The following LPA variants were observed in gnomAD, a reference collection of about 807,000 sequenced individuals.
LPA encodes apolipoprotein(a).
In LPA, 199 loss-of-function variants were observed where a neutral mutation model predicts 197.9. The observed-to-expected ratio is 1.01, with a 90% CI of 0.90 to 1.13. LPA has a LOEUF of 1.13. Among genes scored for constraint, LPA ranks in the 50% most tolerant of loss-of-function variants. The pLI is 0.00. For synonymous variants in LPA, 715 were observed against 639.5 expected (o/e 1.12, Z -1.78); for missense variants, 1,853 against 1,785.8 (o/e 1.04, Z -0.68).
At chr6:160,608,879 G>T (rs922385901) in intron 16 of LPA, among the ~76,000 whole-genome samples, 1 of 151,704 alleles carries the variant, frequency 6.6e-6, no homozygotes, top group Non-Finnish European at 1.5e-5. Flanking sequence ...GTATGGGTGT[G>T]TTGTATGTGT....
chr6:160,546,821 T>G (rs568746618), intron 32 of LPA, among the ~76,000 whole-genome samples: 3 of 152,274 alleles, frequency 2.0e-5, no homozygotes, highest in East Asian at 1.9e-4. Flanking sequence ...ACAGACACTT[T>G]GGTTTTTCCT....
In LPA at chr6:160,606,508, C is replaced by G. The variant is rs868248275; in HGVS notation, c.2754G>C (p.Pro918=). Residue 918 remains proline (P), a synonymous_variant, in exon 17 of 39, where the codon CCG becomes CCC. Transcript: ENST00000316300. ...CAGAAGGAGCCTCTAGGCTTGGAAT[C>G]GGGGTAATAGTTGGAGGCGCGACGG... ...GTAVAPPTIT[P]IPSLEAPSEQ... The G allele has an allele frequency of 1.9e-6, 3 of 1,613,530 alleles. No homozygotes were observed. Among genetic ancestry groups the G allele is most frequent in the East Asian group, 4.5e-5 (2 of 44,868 alleles).
At chr6:160,646,777 C>G (rs1187886126) in intron 2 of LPA, among the ~76,000 whole-genome samples, 2 of 145,992 alleles carry the variant, frequency 1.4e-5, no homozygotes, top group African/African-American at 2.6e-5. Flanking sequence ...TATTCACATG[C>G]AAATGCATCT....
chr6:160,650,929 G>C (rs1439736472), intron 1 of LPA, among the ~76,000 whole-genome samples: 3 of 152,172 alleles, frequency 2.0e-5, no homozygotes, highest in African/African-American at 7.2e-5. Flanking sequence ...AAAAGCCAAA[G>C]CCTTAAGTTT....
At position 160,586,440 on chromosome 6, in the gene LPA, G is replaced by A. The variant is rs760090340; in HGVS notation, c.4129+9C>T. The stretch of plus-strand genomic sequence containing the variant: ...CGAGGGTATGGTTGTCTGACTGCAG[G>A]CTTCTTACCTTCTTCAGAAGGAAGC... On this transcript the variant is annotated intron_variant, in intron 25 of 38. Coordinates refer to ENST00000316300, the MANE Select transcript of LPA (RefSeq NM_005577.4). 3.1e-6 allele frequency: 5 copies of A among 1,613,118 alleles called. No homozygotes were observed. The African/African-American group carries it at 5.3e-5, about 17-fold the overall frequency.
At chr6:160,641,053 A>G (rs1348087385) in intron 4 of LPA, among the ~76,000 whole-genome samples, 2 of 139,468 alleles carry the variant, frequency 1.4e-5, no homozygotes, top group African/African-American at 5.7e-5. Context: ...GATTATTACT[A>G]TTTTTTTAAA....
chr6:160,532,688 A>T (rs1213177299), intron 37 of LPA, 39 bp from the exon 38 acceptor site: 1 of 1,353,012 alleles, frequency 7.4e-7, no homozygotes, highest in Non-Finnish European at 1.1e-6. Context: ...TACTGAGGCC[A>T]AAGCTTGTTC....
At chr6:160,556,572 T>C (rs958307651) in intron 29 of LPA, among the ~76,000 whole-genome samples, 5 of 152,156 alleles carry the variant, frequency 3.3e-5, no homozygotes, top group Non-Finnish European at 5.9e-5. Context: ...ATGAAAACCC[T>C]GCACAGTTCC....
chr6:160,604,979 GC>G lies in LPA; in HGVS notation c.2945+66del. 2.5e-6 allele frequency: 4 copies of G among 1,602,912 alleles called. No homozygotes were observed. The South Asian group carries it at 4.4e-5, about 18-fold the overall frequency. On this transcript the variant is annotated intron_variant, in intron 18 of 38. Transcript: ENST00000316300. The stretch of plus-strand genomic sequence containing the variant: ...TTGAGTCCTGAACACTCAGCTTGAA[GC>G]ATGACTCTACTAACAGAAATTTCCA...
At position 160,597,289 on chromosome 6, in the gene LPA, A is replaced by T. The variant is rs562943977; in HGVS notation, c.3288-1754T>A. 5.3e-4 allele frequency among the ~76,000 whole-genome samples: 81 copies of T among 152,390 alleles called. No individual in the cohort carries two copies. In the South Asian group the frequency reaches 0.016, roughly 30 times the overall value. Reference sequence around the variant, plus strand: ...AGAGAATCAAGGAAATCTCTAACTCAGAGTGTGGGCTTATCTATTTCTCTC... The same window carrying T: ...AGAGAATCAAGGAAATCTCTAACTCTGAGTGTGGGCTTATCTATTTCTCTC... On this transcript the variant is annotated intron_variant, in intron 20 of 38. Transcript: ENST00000316300.
Position 160,589,589 on chromosome 6 carries a change from T to A in LPA, c.3911A>T (p.His1304Leu). 6.2e-7 allele frequency: 1 copy of A among 1,613,894 alleles called. No individual in the cohort carries two copies. Among genetic ancestry groups the A allele is most frequent in the South Asian group, 1.1e-5 (1 of 91,084 alleles). The change falls in exon 24 of 39, where the codon CAC (histidine) becomes CTC (leucine). Residue 1304 changes from histidine to leucine, a missense_variant. His to Leu is a moderately conservative substitution (Grantham distance 99). Transcript: ENST00000316300. ...GTATTCTGTGGTTCTCTGATGCCAG[T>A]GTGGTGTCATAGAGGACCAAGACTG... is the stretch of plus-strand genomic sequence containing the variant. ...TCQSWSSMTPHWHQRTTEYYP... is the reference protein window; with the variant it reads ...TCQSWSSMTPLWHQRTTEYYP...
intron 1 of LPA, among the ~76,000 whole-genome samples, chr6:160,661,265 T>C (rs928911448): frequency 7.3e-6 from 1 of 136,304 alleles, no homozygotes; most frequent in Non-Finnish European, 1.6e-5. Flanking sequence ...TTGAGGGGTG[T>C]GGTGGGGGCC....
intron 28 of LPA, among the ~76,000 whole-genome samples, chr6:160,568,314 G>A (rs1430873714): frequency 1.3e-5 from 2 of 151,920 alleles, no homozygotes; most frequent in East Asian, 1.9e-4. Flanking sequence ...TTTATCCCTG[G>A]GATGCAAGGC....
chr6:160,541,229 C>T (rs1777977134), intron 34 of LPA, 48 bp from the exon 35 acceptor site: 1 of 1,323,944 alleles, frequency 7.6e-7, no homozygotes, highest in African/African-American at 1.4e-5. Context: ...ATGGTTTGTT[C>T]TACTTCATTG....
intron 28 of LPA, among the ~76,000 whole-genome samples, 177 bp from the exon 29 acceptor site, chr6:160,557,748 A>C (rs923995014): frequency 5.9e-5 from 9 of 152,134 alleles, no homozygotes; most frequent in Non-Finnish European, 1.2e-4. Context: ...GAACCATGTA[A>C]ATTTCCAAGA....
rs375516672 is a variant in LPA, at chr6:160,586,633, G to T, written c.3948-3C>A. 46 of 1,613,448 alleles carry T rather than the reference G, an allele frequency of 2.9e-5. 1 individual carries two copies. Among genetic ancestry groups the T allele is most frequent in the South Asian group, 3.3e-5 (3 of 91,078 alleles). On this transcript the variant is annotated splice_polypyrimidine_tract_variant and splice_region_variant and intron_variant, in intron 24 of 38. Transcript: ENST00000316300. ...TGCAGTAGTTCCTGGTCAGGCCACT[G>T]CAAATTCCAAAACAATACAGGTCAC...
chr6:160,571,768 T>A (rs1223881117), intron 28 of LPA, among the ~76,000 whole-genome samples: 1 of 152,224 alleles, frequency 6.6e-6, no homozygotes, highest in African/African-American at 2.4e-5. Context: ...ACTGCTGTGC[T>A]GGCAGCAAGA....
intron 28 of LPA, among the ~76,000 whole-genome samples, chr6:160,562,053 C>A (rs1778371503): frequency 6.6e-6 from 1 of 152,128 alleles, no homozygotes; most frequent in South Asian, 2.1e-4. Context: ...ACTTGAATAC[C>A]TTTATTTCTT....
intron 30 of LPA, among the ~76,000 whole-genome samples, chr6:160,551,319 T>C (rs191272800): frequency 2.0e-5 from 3 of 152,372 alleles, no homozygotes; most frequent in East Asian, 1.9e-4. Flanking sequence ...TTCAGGTGCT[T>C]ATTGGCTATG....
Sources: allele counts gnomAD v4.1 joint callset (sites outside exome capture counted in the v4.1 genomes callset), GRCh38; gene constraint gnomAD v4.1.1; transcripts MANE v1.5; gene names NCBI Gene and HGNC (gene_info 2026-07-23, HGNC 2026-07-21).